DLGAP2: variants seen among roughly 807,000 people sequenced by gnomAD.
DLGAP2 encodes the protein DLG associated protein 2.
A neutral mutation model predicts 100.3 loss-of-function variants in DLGAP2; 26 were observed. That is an observed-to-expected ratio of 0.26 (90% CI 0.19 to 0.36). The LOEUF is 0.36. Ranked by LOEUF, DLGAP2 falls within the 10% of genes least tolerant of loss-of-function variation. The pLI, the probability that DLGAP2 is intolerant of heterozygous loss-of-function variation, is 1.00. For missense variants in DLGAP2, 1,858 were observed against 1,453.2 expected, an observed-to-expected ratio of 1.28 and a Z score of -4.53; for synonymous variants, 886 against 630.1, an observed-to-expected ratio of 1.41 and a Z score of -6.08.
chr8:1,443,791 C>T (rs1440641650), intron 3 of DLGAP2, among the ~76,000 whole-genome samples: 1 of 152,144 alleles, frequency 6.6e-6, no homozygotes, highest in African/African-American at 2.4e-5. Flanking sequence ...TGGCCCCACC[C>T]TTGACACGTG....
chr8:1,095,755 C>A (rs1224987073), intron 2 of DLGAP2, among the ~76,000 whole-genome samples: 1 of 152,146 alleles, frequency 6.6e-6, no homozygotes, highest in Non-Finnish European at 1.5e-5. Context: ...ATGTCTTTTT[C>A]TTTTTGTAAC....
intron 5 of DLGAP2, among the ~76,000 whole-genome samples, chr8:1,564,119 G>T (rs1477093921): frequency 6.6e-6 from 1 of 152,178 alleles, no homozygotes; most frequent in African/African-American, 2.4e-5. Context: ...TCTACACTCA[G>T]CGACTGCATG....
intron 6 of DLGAP2, among the ~76,000 whole-genome samples, chr8:1,570,045 G>C (rs1335183474): frequency 2.6e-5 from 4 of 152,240 alleles, no homozygotes; most frequent in Non-Finnish European, 1.5e-5. Context: ...AATTCCCATA[G>C]TTGTCACTCT....
At chr8:1,327,717 G>C (rs555101885) in intron 3 of DLGAP2, among the ~76,000 whole-genome samples, 3 of 151,962 alleles carry the variant, frequency 2.0e-5, no homozygotes, top group Non-Finnish European at 4.4e-5. Flanking sequence ...CGTGGCGGGC[G>C]CCTGTAGTCC....
intron 6 of DLGAP2, among the ~76,000 whole-genome samples, chr8:1,583,867 T>C (rs1796029383): frequency 6.6e-6 from 1 of 152,082 alleles, no homozygotes; most frequent in Admixed American, 6.5e-5. Flanking sequence ...CCGGAAAGCC[T>C]TGTTCCCCTG....
intron 8 of DLGAP2, 64 bp downstream of exon 8, chr8:1,633,110 G>C: frequency 6.5e-7 from 1 of 1,536,212 alleles, no homozygotes; most frequent in Non-Finnish European, 9.0e-7. Flanking sequence ...CTTCATCCTA[G>C]AAGGAGCGAG....
chr8:822,432 G>C (rs532550577), intron 1 of DLGAP2, among the ~76,000 whole-genome samples: 2 of 152,202 alleles, frequency 1.3e-5, no homozygotes, highest in Non-Finnish European at 2.9e-5. Context: ...AGCTTCAGCT[G>C]GATGTTTCTC....
At chr8:1,572,692 G>T (rs1429282054) in intron 6 of DLGAP2, among the ~76,000 whole-genome samples, 48 of 113,340 alleles carry the variant, frequency 4.2e-4, no homozygotes, top group Admixed American at 7.0e-4. Flanking sequence ...GAGAGAGGGT[G>T]GACTGTGGGG....
chr8:1,446,925 T>G (rs1175418035), intron 3 of DLGAP2, among the ~76,000 whole-genome samples: 1 of 152,216 alleles, frequency 6.6e-6, no homozygotes, highest in African/African-American at 2.4e-5. Flanking sequence ...ATGCTTGTGA[T>G]TTTTGTACAT....
At chr8:1,046,548 T>A (rs1227784195) in intron 2 of DLGAP2, among the ~76,000 whole-genome samples, 1 of 152,204 alleles carries the variant, frequency 6.6e-6, no homozygotes, top group Non-Finnish European at 1.5e-5. Flanking sequence ...CCACATTGCA[T>A]GTGGGCGTGT....
At chr8:1,561,314 C>T (rs1341981044) in intron 5 of DLGAP2, among the ~76,000 whole-genome samples, 1 of 152,104 alleles carries the variant, frequency 6.6e-6, no homozygotes, top group Non-Finnish European at 1.5e-5. Flanking sequence ...ACAATACCTC[C>T]AATTCCCTTT....
chr8:867,870 A>ACG (rs1312570023), intron 1 of DLGAP2, among the ~76,000 whole-genome samples: 3 of 152,220 alleles, frequency 2.0e-5, no homozygotes, highest in African/African-American at 7.2e-5. Flanking sequence ...TTTCCACGTA[A>ACG]CGCATTTATG....
intron 4 of DLGAP2, among the ~76,000 whole-genome samples, chr8:1,548,345 G>A (rs2404629): frequency 0.53 from 78,145 of 148,034 alleles, 20,891 homozygotes; most frequent in African/African-American, 0.61. Context: ...TGTAGTCCCA[G>A]CTACTCGGGA....
At chr8:1,434,169 G>T (rs986240888) in intron 3 of DLGAP2, among the ~76,000 whole-genome samples, 2 of 152,172 alleles carry the variant, frequency 1.3e-5, no homozygotes, top group African/African-American at 4.8e-5. Flanking sequence ...ATGACCGTCA[G>T]CAGCTCAGCC....
At chr8:1,534,518 T>A (rs1351340545) in intron 4 of DLGAP2, among the ~76,000 whole-genome samples, 1 of 152,116 alleles carries the variant, frequency 6.6e-6, no homozygotes, top group Non-Finnish European at 1.5e-5. Flanking sequence ...TCTGAAAGAG[T>A]TGAAGAGTTG....
At chr8:1,601,215 A>G (rs1796612534) in intron 6 of DLGAP2, among the ~76,000 whole-genome samples, 1 of 152,222 alleles carries the variant, frequency 6.6e-6, no homozygotes, top group Non-Finnish European at 1.5e-5. Context: ...GCCGAACAGC[A>G]AAGATTGCTG....
chr8:1,165,575 C>T (rs553113133), intron 2 of DLGAP2, among the ~76,000 whole-genome samples: 18 of 152,366 alleles, frequency 1.2e-4, no homozygotes, highest in East Asian at 5.8e-4. Flanking sequence ...ATACATCAGC[C>T]AGCAAGACAG....
intron 2 of DLGAP2, among the ~76,000 whole-genome samples, chr8:1,009,288 A>T (rs913323082): frequency 2.0e-5 from 3 of 152,216 alleles, no homozygotes; most frequent in African/African-American, 7.2e-5. Flanking sequence ...CAGAACAGAC[A>T]TTAGAATGTT....
chr8:1,432,343 A>C (rs1797476068), intron 3 of DLGAP2, among the ~76,000 whole-genome samples: 1 of 152,236 alleles, frequency 6.6e-6, no homozygotes, highest in Admixed American at 6.5e-5. Flanking sequence ...AATTCTATGC[A>C]CCTTAAAAAA....
Sources: gnomAD v4.1 joint callset for allele counts (sites outside exome capture counted in the v4.1 genomes callset) on GRCh38, gnomAD v4.1.1 for gene constraint, MANE v1.5 for transcripts, NCBI Gene and HGNC (gene_info 2026-07-23, HGNC 2026-07-21) for gene names.